Variants in KCNJ1 observed in about 807,000 individuals in gnomAD.
The protein encoded by KCNJ1 is ATP-sensitive inward rectifier potassium channel 1.
KCNJ1 carries 24 observed loss-of-function variants against 21.9 expected under a neutral mutation model. The observed-to-expected ratio is 1.10, with a 90% CI of 0.79 to 1.54. KCNJ1 has a LOEUF of 1.54. KCNJ1 is among the 40% of genes most tolerant of loss of function. The pLI, the probability that KCNJ1 is intolerant of heterozygous loss-of-function variation, is 0.00. For missense variants in KCNJ1, 457 were observed against 455.4 expected (o/e 1.00, Z -0.03); for synonymous variants, 152 against 160.9 (o/e 0.94, Z 0.42).
At chr11:128,854,210 C>T (rs1943538855) in intron 1 of KCNJ1, among the ~76,000 whole-genome samples, 1 of 152,240 alleles carries the variant, frequency 6.6e-6, no homozygotes, top group African/African-American at 2.4e-5. Flanking sequence ...CTGCACCAGC[C>T]AAGCAAGAGC....
chr11:128,864,060 TTTTC>T (rs1565531856), intron 1 of KCNJ1, among the ~76,000 whole-genome samples: 1 of 150,274 alleles, frequency 6.7e-6, no homozygotes, highest in Non-Finnish European at 1.5e-5. Flanking sequence ...TCTTTTTCTT[TTTTC>T]TTTTTCTCTC....
At chr11:128,862,845 A>G (rs1305776019) in intron 1 of KCNJ1, among the ~76,000 whole-genome samples, 2 of 152,146 alleles carry the variant, frequency 1.3e-5, no homozygotes, top group South Asian at 2.1e-4. Context: ...CTGATCCCCA[A>G]AATGGTCACA....
Position 128,839,944 on chromosome 11 carries a change from A to C in KCNJ1, c.300T>G (p.Thr100=). ...AGCCATTAATATTCTCCACACAGGGAGTGTGATTGGCAGAAGGATGGAATT... is the reference window on the plus strand; with the variant it reads ...AGCCATTAATATTCTCCACACAGGGCGTGTGATTGGCAGAAGGATGGAATT... ...LPEFHPSANH[T]PCVENINGLT... Residue 100 remains threonine, a synonymous_variant, in exon 3 of 3, where the codon ACT becomes ACG. Transcript: ENST00000392666. 1 of 1,614,008 alleles carries C rather than the reference A, an allele frequency of 6.2e-7. No homozygotes were observed. The highest frequency in any genetic ancestry group is 1.3e-5 in the African/African-American group (1 of 75,042).
chr11:128,858,286 C>T (rs1329369351), intron 1 of KCNJ1, among the ~76,000 whole-genome samples: 1 of 151,686 alleles, frequency 6.6e-6, no homozygotes, highest in East Asian at 1.9e-4. Flanking sequence ...GCAGAAGTGC[C>T]CAGAGAAAAA....
chr11:128,866,931 C>T (rs1943827577), intron 1 of KCNJ1, among the ~76,000 whole-genome samples: 1 of 152,080 alleles, frequency 6.6e-6, no homozygotes, highest in African/African-American at 2.4e-5. Flanking sequence ...TTCTTACTGC[C>T]CTCCAGCCCC....
At chr11:128,856,331 G>A (rs868634217) in intron 1 of KCNJ1, among the ~76,000 whole-genome samples, 3 of 152,328 alleles carry the variant, frequency 2.0e-5, no homozygotes, top group East Asian at 1.9e-4. Flanking sequence ...TTCCAGACCC[G>A]GAGGCAACCA....
rs1286854225 is a variant in KCNJ1, at chr11:128,838,894, A to G, written c.*231T>C. On this transcript the variant is annotated 3_prime_UTR_variant, in exon 3 of 3. Coordinates refer to ENST00000392666, the MANE Select transcript of KCNJ1 (RefSeq NM_153766.3). Reference sequence around the variant, plus strand: ...TATTTAAGATTTCAAGAGAGCACCTATGTCTTCCATACACCAGTTTCATAT... The same window carrying G: ...TATTTAAGATTTCAAGAGAGCACCTGTGTCTTCCATACACCAGTTTCATAT... The G allele has an allele frequency of 1.8e-6, 1 of 566,372 alleles. No homozygotes were observed. Among genetic ancestry groups the G allele is most frequent in the African/African-American group, 1.9e-5 (1 of 53,218 alleles). 35.1% of individuals were successfully genotyped at this position (566,372 alleles called of 1,614,324 possible).
chr11:128,842,491 A>G, intron 2 of KCNJ1: 1 of 1,611,032 alleles, frequency 6.2e-7, no homozygotes, highest in Non-Finnish European at 8.5e-7. Flanking sequence ...GACTCAGCCT[A>G]ATTTATTGTA....
chr11:128,848,104 T>C (rs888147108), intron 2 of KCNJ1, among the ~76,000 whole-genome samples: 7 of 151,798 alleles, frequency 4.6e-5, no homozygotes, highest in South Asian at 2.1e-4. Context: ...CTGGCTAACA[T>C]GGTGAAACTC....
intron 1 of KCNJ1, among the ~76,000 whole-genome samples, chr11:128,855,538 T>C (rs1294670401): frequency 6.6e-6 from 1 of 152,182 alleles, no homozygotes; most frequent in African/African-American, 2.4e-5. Flanking sequence ...AAAGCAAAGA[T>C]GGGGCTCCAC....
chr11:128,840,260 C>T lies in KCNJ1; in HGVS notation c.-17G>A. 1 of 1,614,094 alleles carries T rather than the reference C, an allele frequency of 6.2e-7. No individual in the cohort carries two copies. The highest frequency in any genetic ancestry group is 8.5e-7 in the Non-Finnish European group (1 of 1,179,966). On this transcript the variant is annotated 5_prime_UTR_variant, in exon 3 of 3. Coordinates refer to ENST00000392666, the MANE Select transcript of KCNJ1 (RefSeq NM_153766.3). ...TTTGAACATACTTTCTGTCAACACC[C>T]TGATCTGAAAACACATCAAAGAAAA...
rs372262810 is a variant in KCNJ1 at position 128,838,764 on chromosome 11, A to G, written c.*361T>C. The G allele has an allele frequency of 1.2e-5, 3 of 243,892 alleles. No individual in the cohort carries two copies. Among genetic ancestry groups the G allele is most frequent in the Non-Finnish European group, 1.6e-5 (2 of 124,538 alleles). The allele number at this position is 243,892 out of a possible 1,614,324, so 15.1% of individuals were successfully genotyped here. Reference sequence around the variant, plus strand: ...TGTCCCCTGATCCTTTCTAAAGTTCATAACTTCTTTAAGGAAACTTTAAAA... The same window carrying G: ...TGTCCCCTGATCCTTTCTAAAGTTCGTAACTTCTTTAAGGAAACTTTAAAA... On this transcript the variant is annotated 3_prime_UTR_variant, in exon 3 of 3. Coordinates refer to ENST00000392666, the MANE Select transcript of KCNJ1 (RefSeq NM_153766.3).
rs145274835 is a variant in KCNJ1 at position 128,866,885 on chromosome 11, A to T, written c.-192+288T>A. ...CCCTACATACATCTCTGCCACCAAA[A>T]GAAGACTTTGGAATCAGGCATGATG... On this transcript the variant is annotated intron_variant, in intron 1 of 2. Transcript: ENST00000392666. 4.7e-3 allele frequency among the ~76,000 whole-genome samples: 713 copies of T among 152,146 alleles called. 3 individuals carry two copies. Among genetic ancestry groups the T allele is most frequent in the African/African-American group, 0.016 (682 of 41,504 alleles).
At chr11:128,858,148 G>C (rs1163811114) in intron 1 of KCNJ1, among the ~76,000 whole-genome samples, 4 of 150,538 alleles carry the variant, frequency 2.7e-5, no homozygotes, top group East Asian at 2.0e-4. Flanking sequence ...GGGAAGGCGA[G>C]GGTTGGGGAG....
intron 2 of KCNJ1, among the ~76,000 whole-genome samples, chr11:128,847,445 T>C (rs2135947488): frequency 6.6e-6 from 1 of 152,372 alleles, no homozygotes; most frequent in Non-Finnish European, 1.5e-5. Context: ...TCCACAAGTC[T>C]TACATGCCTA....
chr11:128,846,422 T>C (rs1591409884), intron 2 of KCNJ1, among the ~76,000 whole-genome samples: 2 of 152,264 alleles, frequency 1.3e-5, no homozygotes, highest in Admixed American at 1.3e-4. Flanking sequence ...GGGTCACTGG[T>C]CCAGGCCAAT....
intron 2 of KCNJ1, among the ~76,000 whole-genome samples, chr11:128,847,921 T>C (rs1287422193): frequency 6.6e-6 from 1 of 152,126 alleles, no homozygotes; most frequent in Non-Finnish European, 1.5e-5. Flanking sequence ...CAGATTGGAG[T>C]GCAGTGGTGC....
rs1943256568 is a variant in KCNJ1, at chr11:128,840,122, G to A, written c.122C>T (p.Ser41Leu). The change falls in exon 3 of 3, where the codon TCA (serine) becomes TTA (leucine). Residue 41 changes from serine (S) to leucine (L), a missense_variant. Coordinates refer to ENST00000392666, the MANE Select transcript of KCNJ1 (RefSeq NM_153766.3). ...GATGTCCACAAAGAATATAAACCTT[G>A]ACTGTGCCTCCACATTGCCAAATTC... ...NIEFGNVEAQ[S>L]RFIFFVDIWT... 6.2e-7 allele frequency: 1 copy of A among 1,614,022 alleles called. No individual in the cohort carries two copies. The highest frequency in any genetic ancestry group is 1.3e-5 in the African/African-American group (1 of 74,902).
At chr11:128,849,985 C>A (rs11221480) in intron 2 of KCNJ1, among the ~76,000 whole-genome samples, 14,485 of 152,120 alleles carry the variant, frequency 0.095, 875 homozygotes, top group East Asian at 0.33. Flanking sequence ...TAGCAGAGGG[C>A]AAAGCTCTTG....
Sources: allele counts gnomAD v4.1 joint callset (sites outside exome capture counted in the v4.1 genomes callset), GRCh38; gene constraint gnomAD v4.1.1; transcripts MANE v1.5; gene names NCBI Gene and HGNC (gene_info 2026-07-23, HGNC 2026-07-21).